Variants in BCL7C observed in about 807,000 individuals in gnomAD.
The protein encoded by BCL7C is BAF chromatin remodeling complex subunit BCL7C, also known as B-cell CLL/lymphoma 7 protein family member C.
A neutral mutation model predicts 26.2 loss-of-function variants in BCL7C; 8 were observed. The ratio of observed to expected loss-of-function variants is 0.30; its 90% CI spans 0.18 to 0.55. BCL7C has a LOEUF of 0.55. BCL7C is among the 20% of genes least tolerant of loss of function. The pLI is 0.93. For synonymous variants in BCL7C, 90 were observed against 116.5 expected, an observed-to-expected ratio of 0.77 and a Z score of 1.47; for missense variants, 262 against 298.5, an observed-to-expected ratio of 0.88 and a Z score of 0.90.
intron 5 of BCL7C, among the ~76,000 whole-genome samples, chr16:30,864,509 T>C (rs1028479157): frequency 6.6e-6 from 1 of 152,066 alleles, no homozygotes; most frequent in African/African-American, 2.4e-5. Flanking sequence ...CAGTTTAATC[T>C]CTCCCACTGT....
chr16:30,877,807 A>G (rs1375733911), intron 5 of BCL7C, among the ~76,000 whole-genome samples: 1 of 152,166 alleles, frequency 6.6e-6, no homozygotes, highest in Non-Finnish European at 1.5e-5. Flanking sequence ...ATGTAAGCCA[A>G]ACAAATCACA....
chr16:30,862,536 C>T (rs2054786030), intron 5 of BCL7C, among the ~76,000 whole-genome samples: 1 of 151,996 alleles, frequency 6.6e-6, no homozygotes, highest in Non-Finnish European at 1.5e-5. Flanking sequence ...GTAGTTCCCC[C>T]TACAAATCCT....
intron 5 of BCL7C, among the ~76,000 whole-genome samples, chr16:30,859,909 C>T (rs1329330743): frequency 6.6e-6 from 1 of 152,232 alleles, no homozygotes; most frequent in Non-Finnish European, 1.5e-5. Flanking sequence ...CAGGAGGACT[C>T]CTTCGGGAGA....
At chr16:30,835,080 C>G in exon 6 of BCL7C, 2 of 1,546,368 alleles carry the variant, frequency 1.3e-6, no homozygotes, top group Non-Finnish European at 1.7e-6. Context: ...TGGGCAGGAG[C>G]CTCCTGAGGG....
At chr16:30,841,749 A>T in intron 5 of BCL7C, among the ~76,000 whole-genome samples, 1 of 151,666 alleles carries the variant, frequency 6.6e-6, no homozygotes, top group Non-Finnish European at 1.5e-5. Context: ...AGGTCAGGAG[A>T]TCAAGACCAT....
chr16:30,861,541 G>A (rs980168734), intron 5 of BCL7C, among the ~76,000 whole-genome samples: 2 of 152,088 alleles, frequency 1.3e-5, no homozygotes, highest in Non-Finnish European at 2.9e-5. Flanking sequence ...TGTCCAACTC[G>A]CCCAGCAGCC....
intron 5 of BCL7C, among the ~76,000 whole-genome samples, chr16:30,880,690 T>C (rs187823693): frequency 5.9e-5 from 9 of 152,254 alleles, no homozygotes; most frequent in Admixed American, 5.9e-4. Context: ...TGTTTTGTTC[T>C]GGTTTTATTT....
intron 5 of BCL7C, among the ~76,000 whole-genome samples, chr16:30,842,300 T>C (rs1697100269): frequency 6.6e-6 from 1 of 152,160 alleles, no homozygotes; most frequent in Admixed American, 6.6e-5. Context: ...GTCTTGGACT[T>C]CCAGTCTCCA....
At chr16:30,873,890 CAT>C (rs1045361825) in intron 5 of BCL7C, among the ~76,000 whole-genome samples, 57 of 147,790 alleles carry the variant, frequency 3.9e-4, no homozygotes, top group South Asian at 4.3e-4. Flanking sequence ...CACACACACA[CAT>C]ATAGAAAAAT....
chr16:30,851,019 A>T (rs756576571), intron 5 of BCL7C, among the ~76,000 whole-genome samples: 15 of 152,226 alleles, frequency 9.9e-5, no homozygotes, highest in Non-Finnish European at 2.9e-5. Flanking sequence ...AATAGGAACC[A>T]GTACAAACAA....
chr16:30,887,857 C>T lies in BCL7C; in HGVS notation c.*8G>A. The T allele has an allele frequency of 6.4e-7, 1 of 1,567,078 alleles. No homozygotes were observed. Among genetic ancestry groups the T allele is most frequent in the East Asian group, 2.4e-5 (1 of 41,036 alleles). ...CCCCTGGGGCAACAGGACAGGCAGG[C>T]CGGCTTCTCAGGGGTCAGGGGCATT... is the stretch of plus-strand genomic sequence containing the variant. On this transcript the variant is annotated 3_prime_UTR_variant, in exon 6 of 6. Transcript: ENST00000215115.
chr16:30,887,075 G>A (rs1264084404), downstream of BCL7C, among the ~76,000 whole-genome samples: 2 of 152,100 alleles, frequency 1.3e-5, no homozygotes, highest in African/African-American at 2.4e-5. Context: ...TTGGGAGGCC[G>A]AGGCGGGCAA....
At chr16:30,858,354 C>T (rs1249805998) in intron 5 of BCL7C, among the ~76,000 whole-genome samples, 1 of 152,098 alleles carries the variant, frequency 6.6e-6, no homozygotes, top group Non-Finnish European at 1.5e-5. Flanking sequence ...CAAGCCTTTC[C>T]GAAGTGACCT....
chr16:30,884,227 C>A (rs1400293094), downstream of BCL7C, among the ~76,000 whole-genome samples: 1 of 151,692 alleles, frequency 6.6e-6, no homozygotes, highest in Non-Finnish European at 1.5e-5. Flanking sequence ...AGGAGAGAGT[C>A]AAGAATGGGG....
intron 5 of BCL7C, among the ~76,000 whole-genome samples, chr16:30,879,687 T>TACAAAAAAAAAA (rs2055007962): frequency 1.0e-3 from 2 of 1,926 alleles, no homozygotes; most frequent in Non-Finnish European, 9.4e-3. Context: ...TCCCCTTCTC[T>TACAAAAAAAAAA]ACAAAAAAAA....
At chr16:30,853,824 G>A (rs897134093) in intron 5 of BCL7C, among the ~76,000 whole-genome samples, 2 of 152,024 alleles carry the variant, frequency 1.3e-5, no homozygotes, top group Admixed American at 6.6e-5. Context: ...ACCTCTAGGC[G>A]CTCTACCATG....
At chr16:30,853,430 T>C (rs2054693866) in intron 5 of BCL7C, among the ~76,000 whole-genome samples, 1 of 152,120 alleles carries the variant, frequency 6.6e-6, no homozygotes, top group African/African-American at 2.4e-5. Context: ...AGCTGTCATC[T>C]CCTATGATAA....
At chr16:30,879,700 A>AAAAAAAAAAAAC (rs758573108) in intron 5 of BCL7C, among the ~76,000 whole-genome samples, 1 of 135,004 alleles carries the variant, frequency 7.4e-6, no homozygotes, top group Non-Finnish European at 1.7e-5. Flanking sequence ...AAAAAAAAAA[A>AAAAAAAAAAAAC]AAAAAAAAAC....
At chr16:30,891,952 C>T (rs574606043) in intron 4 of BCL7C, among the ~76,000 whole-genome samples, 1 of 132,372 alleles carries the variant, frequency 7.6e-6, no homozygotes, top group Admixed American at 7.8e-5. Flanking sequence ...TGACAGAGAC[C>T]TTGTCTCTAA....
Sources: gnomAD v4.1 joint callset for allele counts (sites outside exome capture counted in the v4.1 genomes callset) on GRCh38, gnomAD v4.1.1 for gene constraint, MANE v1.5 for transcripts, NCBI Gene and HGNC (gene_info 2026-07-23, HGNC 2026-07-21) for gene names.